The following THSD7B variants were observed in gnomAD, a reference collection of about 807,000 sequenced individuals.
THSD7B encodes thrombospondin type 1 domain containing 7B.
THSD7B carries 138 observed loss-of-function variants against 213.6 expected under a neutral mutation model. The ratio of observed to expected loss-of-function variants is 0.65; its 90% CI spans 0.56 to 0.74. THSD7B has a LOEUF of 0.74. THSD7B is among the 30% of genes least tolerant of loss of function. THSD7B has a pLI of 0.00. For synonymous variants in THSD7B, 742 were observed against 687.0 expected, an observed-to-expected ratio of 1.08 and a Z score of -1.25; for missense variants, 1,931 against 1,991.5, an observed-to-expected ratio of 0.97 and a Z score of 0.58.
At chr2:137,423,420 A>G (rs1686971015) in intron 14 of THSD7B, among the ~76,000 whole-genome samples, 1 of 152,114 alleles carries the variant, frequency 6.6e-6, no homozygotes, top group Admixed American at 6.5e-5. Context: ...AGAAGCTATT[A>G]AAGCTAAAGA....
intron 14 of THSD7B, among the ~76,000 whole-genome samples, chr2:137,442,800 C>T (rs1369458417): frequency 1.3e-5 from 2 of 152,028 alleles, no homozygotes; most frequent in East Asian, 3.9e-4. Flanking sequence ...AATCAGCTTT[C>T]ATAAATGAGA....
chr2:137,624,377 A>G (rs1219627013), intron 20 of THSD7B, among the ~76,000 whole-genome samples: 2 of 152,252 alleles, frequency 1.3e-5, no homozygotes, highest in African/African-American at 4.8e-5. Flanking sequence ...TAAAAACCCT[A>G]GAAGAAAACC....
At chr2:137,284,963 TTC>T (rs1356661662) in intron 12 of THSD7B, among the ~76,000 whole-genome samples, 1 of 152,112 alleles carries the variant, frequency 6.6e-6, no homozygotes, top group Non-Finnish European at 1.5e-5. Flanking sequence ...CTTGTTAACT[TTC>T]TGTCTCGTTG....
intron 12 of THSD7B, among the ~76,000 whole-genome samples, chr2:137,369,430 A>G (rs1190281145): frequency 6.6e-6 from 1 of 152,110 alleles, no homozygotes; most frequent in Non-Finnish European, 1.5e-5. Flanking sequence ...TTGAATTTGC[A>G]CTGGACTGTT....
intron 2 of THSD7B, among the ~76,000 whole-genome samples, chr2:136,920,217 A>G (rs1048519587): frequency 4.6e-5 from 7 of 152,220 alleles, no homozygotes; most frequent in African/African-American, 1.4e-4. Flanking sequence ...TAGGGTAAGT[A>G]AGGTGGAGAG....
At chr2:137,547,198 T>C (rs1680757577) in intron 15 of THSD7B, among the ~76,000 whole-genome samples, 1 of 152,046 alleles carries the variant, frequency 6.6e-6, no homozygotes, top group African/African-American at 2.4e-5. Context: ...TGCTTCTCAC[T>C]TTTGCAAAGG....
chr2:137,666,360 G>A (rs145521784), intron 26 of THSD7B, among the ~76,000 whole-genome samples: 2 of 152,100 alleles, frequency 1.3e-5, no homozygotes, highest in Non-Finnish European at 2.9e-5. Context: ...CAAAGCTTTG[G>A]TAAAAGTTTT....
At chr2:137,420,109 T>C (rs1409785986) in intron 14 of THSD7B, among the ~76,000 whole-genome samples, 1 of 152,112 alleles carries the variant, frequency 6.6e-6, no homozygotes, top group African/African-American at 2.4e-5. Flanking sequence ...GCAGCATCTG[T>C]TATTCCCTGT....
intron 1 of THSD7B, among the ~76,000 whole-genome samples, chr2:136,806,623 A>C (rs1251169340): frequency 6.6e-6 from 1 of 152,208 alleles, no homozygotes; most frequent in Non-Finnish European, 1.5e-5. Flanking sequence ...CCATATACCC[A>C]GTGCCCGGTT....
intron 7 of THSD7B, among the ~76,000 whole-genome samples, chr2:137,211,690 ATTGT>A (rs1681116601): frequency 2.6e-5 from 4 of 151,992 alleles, no homozygotes; most frequent in Admixed American, 1.3e-4. Flanking sequence ...CTTGGTGAAC[ATTGT>A]TTGATTCATG....
At chr2:137,638,583 G>T (rs1040774716) in intron 20 of THSD7B, among the ~76,000 whole-genome samples, 3 of 152,202 alleles carry the variant, frequency 2.0e-5, no homozygotes, top group Non-Finnish European at 4.4e-5. Context: ...TGAAAATGTG[G>T]AAGCGACTTT....
At chr2:136,789,911 G>C (rs879028107) in intron 1 of THSD7B, among the ~76,000 whole-genome samples, 1 of 152,110 alleles carries the variant, frequency 6.6e-6, no homozygotes, top group African/African-American at 2.4e-5. Context: ...CATGAGCAAA[G>C]GACTCTTCAA....
chr2:136,883,255 C>T (rs1056166564), intron 2 of THSD7B, among the ~76,000 whole-genome samples: 1 of 151,372 alleles, frequency 6.6e-6, no homozygotes, highest in African/African-American at 2.4e-5. Flanking sequence ...ATTGTGTCAC[C>T]ATGGAAATAT....
At chr2:136,890,230 T>C (rs1021307884) in intron 2 of THSD7B, among the ~76,000 whole-genome samples, 1 of 151,922 alleles carries the variant, frequency 6.6e-6, no homozygotes, top group Admixed American at 6.6e-5. Flanking sequence ...AAGCCTGTTT[T>C]CTTTATGGTG....
At chr2:137,417,594 A>G (rs765870613) in intron 14 of THSD7B, among the ~76,000 whole-genome samples, 3 of 151,668 alleles carry the variant, frequency 2.0e-5, no homozygotes, top group Non-Finnish European at 2.9e-5. Flanking sequence ...CTAATTTTTT[A>G]TTTTTATTTT....
intron 2 of THSD7B, among the ~76,000 whole-genome samples, chr2:136,919,945 G>T (rs1460585019): frequency 1.3e-5 from 2 of 152,228 alleles, no homozygotes; most frequent in African/African-American, 4.8e-5. Flanking sequence ...TGGGCAGCAG[G>T]GAACATGGTG....
chr2:137,317,245 G>A (rs529458241), intron 12 of THSD7B, among the ~76,000 whole-genome samples: 2 of 152,178 alleles, frequency 1.3e-5, no homozygotes, highest in Non-Finnish European at 2.9e-5. Flanking sequence ...AATTCTATGG[G>A]CAGTCAAGTC....
intron 15 of THSD7B, among the ~76,000 whole-genome samples, chr2:137,524,580 T>C (rs1447606434): frequency 6.6e-6 from 1 of 152,194 alleles, no homozygotes. Flanking sequence ...CGTGAATAAA[T>C]GTTGGAAAAG....
intron 10 of THSD7B, among the ~76,000 whole-genome samples, chr2:137,246,603 ATCT>A (rs1294625058): frequency 6.6e-6 from 1 of 152,164 alleles, no homozygotes; most frequent in Non-Finnish European, 1.5e-5. Context: ...CATGCTTATG[ATCT>A]TCTTATTCCT....
Sources: allele counts gnomAD v4.1 joint callset (sites outside exome capture counted in the v4.1 genomes callset), GRCh38; gene constraint gnomAD v4.1.1; transcripts MANE v1.5; gene names NCBI Gene and HGNC (gene_info 2026-07-23, HGNC 2026-07-21).